The following IFT122 variants were observed in gnomAD, a reference collection of about 807,000 sequenced individuals.
The protein encoded by IFT122 is intraflagellar transport 122, also known as intraflagellar transport protein 122 homolog.
IFT122 carries 118 observed loss-of-function variants against 161.6 expected under a neutral mutation model. That is an observed-to-expected ratio of 0.73 (90% CI 0.63 to 0.85). The LOEUF (loss-of-function observed/expected upper bound fraction) is 0.85. Among genes scored for constraint, IFT122 ranks in the 40% least tolerant of loss-of-function variants. The pLI is 0.00. For synonymous variants in IFT122, 550 were observed against 602.4 expected (o/e 0.91, Z 1.27); for missense variants, 1,381 against 1,579.6 (o/e 0.87, Z 2.13).
intron 5 of IFT122, chr3:129,461,624 G>C: frequency 2.4e-6 from 1 of 417,422 alleles, no homozygotes; most frequent in Non-Finnish European, 4.5e-6. Context: ...GCTGCCTCTG[G>C]GAAGCCTTCC....
At chr3:129,441,649 G>T (rs933105617) in intron 1 of IFT122, among the ~76,000 whole-genome samples, 1 of 152,074 alleles carries the variant, frequency 6.6e-6, no homozygotes, top group African/African-American at 2.4e-5. Flanking sequence ...TCAAATGTCT[G>T]CAGGAGACAG....
chr3:129,448,681 T>TTTTA lies in IFT122; in HGVS notation c.42-1174_42-1171dup, dbSNP rs759740478. 1.6e-3 allele frequency among the ~76,000 whole-genome samples: 235 copies of TTTTA among 151,290 alleles called. 2 individuals are homozygous for TTTTA. Among genetic ancestry groups the TTTTA allele is most frequent in the Non-Finnish European group, 9.9e-4 (67 of 67,814 alleles). ...ACCAGTGCAAGCTTCCAGCTTGCCTTTTTATTTATTTATTTATTTTTTTTT... is the reference window on the plus strand; with the variant it reads ...ACCAGTGCAAGCTTCCAGCTTGCCTTTTTATTTATTTATTTATTTATTTTTTTTT... On this transcript the variant is annotated intron_variant, in intron 1 of 29. Coordinates refer to ENST00000348417, the MANE Select transcript of IFT122 (RefSeq NM_052989.3).
At chr3:129,516,378 C>G (rs1201735358) in intron 26 of IFT122, among the ~76,000 whole-genome samples, 2 of 142,168 alleles carry the variant, frequency 1.4e-5, no homozygotes, top group African/African-American at 5.4e-5. Context: ...TGCACACACA[C>G]ACAGAGACTG....
chr3:129,488,836 G>C (rs913698951), intron 16 of IFT122, among the ~76,000 whole-genome samples: 2 of 152,034 alleles, frequency 1.3e-5, no homozygotes, highest in Admixed American at 1.3e-4. Context: ...CTTAGCATCT[G>C]CCAACTAAGG....
At chr3:129,514,221 A>T (rs565361250) in intron 24 of IFT122, 168 bp from the exon 25 acceptor site, 1 of 753,014 alleles carries the variant, frequency 1.3e-6, no homozygotes, top group Admixed American at 2.0e-5. Context: ...GCCATCCGAG[A>T]AGTACACTCA....
chr3:129,504,731 C>G (rs1020347356), intron 21 of IFT122, among the ~76,000 whole-genome samples: 1 of 152,232 alleles, frequency 6.6e-6, no homozygotes, highest in African/African-American at 2.4e-5. Flanking sequence ...ATCCTCGCAA[C>G]AGCCCTATGG....
intron 19 of IFT122, among the ~76,000 whole-genome samples, chr3:129,501,341 C>G (rs1007970526): frequency 6.6e-6 from 1 of 152,048 alleles, no homozygotes; most frequent in Non-Finnish European, 1.5e-5. Flanking sequence ...GTGGCCCAGC[C>G]AGGATTTGGG....
chr3:129,471,638 C>T (rs533885295), intron 9 of IFT122, among the ~76,000 whole-genome samples: 5 of 152,180 alleles, frequency 3.3e-5, no homozygotes, highest in Non-Finnish European at 7.3e-5. Flanking sequence ...AGTTTCTGCA[C>T]GATGAGCAAC....
At chr3:129,516,421 ACACACACACAGACTGCCCCTGCC>A (rs2083643626) in intron 26 of IFT122, among the ~76,000 whole-genome samples, 1 of 137,894 alleles carries the variant, frequency 7.3e-6, no homozygotes, top group Admixed American at 7.3e-5. Flanking sequence ...CTGCCCCTGC[ACACACACACAGACTGCCCCTGCC>A]CACACACACA....
At chr3:129,462,821 G>A (rs181646804) in intron 5 of IFT122, among the ~76,000 whole-genome samples, 2 of 152,292 alleles carry the variant, frequency 1.3e-5, no homozygotes, top group African/African-American at 4.8e-5. Flanking sequence ...TCTGGGACAG[G>A]GGGGAGCAAG....
chr3:129,450,965 C>G (rs1374999178), intron 2 of IFT122, among the ~76,000 whole-genome samples: 1 of 152,000 alleles, frequency 6.6e-6, no homozygotes, highest in Non-Finnish European at 1.5e-5. Context: ...CGTAATCCAC[C>G]CACCTCGGCC....
intron 5 of IFT122, chr3:129,463,270 AG>A: frequency 2.5e-6 from 1 of 396,966 alleles, no homozygotes; most frequent in Non-Finnish European, 4.8e-6. Flanking sequence ...CACAGAACTA[AG>A]CCATCACCAT....
In IFT122 at chr3:129,517,965, C is replaced by T. The variant is rs548886674; in HGVS notation, c.3391+371C>T. Among the ~76,000 whole-genome samples the T allele has an allele frequency of 8.5e-5, 13 of 152,324 alleles. 1 individual carries two copies. The highest frequency in any genetic ancestry group is 2.0e-4 in the Admixed American group (3 of 15,308). On this transcript the variant is annotated intron_variant, in intron 27 of 29. Coordinates refer to ENST00000348417, the MANE Select transcript of IFT122 (RefSeq NM_052989.3). ...CCAGCTCTTCCACTCAAGTCACTTT[C>T]GCATGCAAGTGACAGAGTCCAAAAC...
At chr3:129,472,847 C>T (rs964281849) in intron 9 of IFT122, among the ~76,000 whole-genome samples, 1 of 152,132 alleles carries the variant, frequency 6.6e-6, no homozygotes, top group Admixed American at 6.5e-5. Flanking sequence ...TCTTCTGCAA[C>T]TTCCAATATT....
chr3:129,460,854 A>G, intron 4 of IFT122: 3 of 1,613,006 alleles, frequency 1.9e-6, no homozygotes, highest in African/African-American at 1.3e-5. Flanking sequence ...ATGTTTCCAG[A>G]TCTTGGTCTG....
chr3:129,500,157 C>G (rs2081357810), intron 19 of IFT122, 89 bp downstream of exon 19: 1 of 1,441,144 alleles, frequency 6.9e-7, no homozygotes, highest in Non-Finnish European at 9.8e-7. Context: ...TAGTGCTTTT[C>G]TAATTATCTA....
chr3:129,468,635 C>T (rs761594636), intron 8 of IFT122, among the ~76,000 whole-genome samples: 2 of 152,202 alleles, frequency 1.3e-5, no homozygotes, highest in Admixed American at 6.5e-5. Flanking sequence ...TGAGCCATCA[C>T]GGGCTGCCGC....
chr3:129,504,153 A>G, intron 20 of IFT122, 166 bp from the exon 21 acceptor site: 1 of 625,456 alleles, frequency 1.6e-6, no homozygotes, highest in Non-Finnish European at 2.9e-6. Flanking sequence ...CGAAGAGCTG[A>G]TTTGTTTTTG....
chr3:129,518,860 C>G (rs980837603), intron 27 of IFT122, among the ~76,000 whole-genome samples: 1 of 152,240 alleles, frequency 6.6e-6, no homozygotes, highest in African/African-American at 2.4e-5. Context: ...TCACAGGGCC[C>G]GCATGTGCTT....
Sources: gnomAD v4.1 joint callset for allele counts (sites outside exome capture counted in the v4.1 genomes callset) on GRCh38, gnomAD v4.1.1 for gene constraint, MANE v1.5 for transcripts, NCBI Gene and HGNC (gene_info 2026-07-23, HGNC 2026-07-21) for gene names.